ADAM28: variants seen among roughly 807,000 people sequenced by gnomAD.
ADAM28 encodes the protein ADAM metallopeptidase domain 28.
A neutral mutation model predicts 101.2 loss-of-function variants in ADAM28; 105 were observed. The ratio of observed to expected loss-of-function variants is 1.04; its 90% CI spans 0.89 to 1.22. The LOEUF is 1.22. Among genes scored for constraint, ADAM28 ranks in the 50% most tolerant of loss-of-function variants. The probability of loss-of-function intolerance (pLI) is 0.00; values close to 1 mark genes in which losing one functional copy is unlikely to be tolerated. For missense variants in ADAM28, 1,028 were observed against 945.4 expected (o/e 1.09, Z -1.15); for synonymous variants, 322 against 310.6 (o/e 1.04, Z -0.39).
At chr8:24,319,987 G>T (rs1190703302) in intron 6 of ADAM28, among the ~76,000 whole-genome samples, 6 of 151,876 alleles carry the variant, frequency 4.0e-5, no homozygotes, top group Admixed American at 3.3e-4. Context: ...CTCCCCTATT[G>T]TAACATAATT....
chr8:24,329,864 TG>T, intron 10 of ADAM28, 120 bp from the exon 11 acceptor site: 33 of 892,266 alleles, frequency 3.7e-5, no homozygotes, highest in East Asian at 5.1e-5. Flanking sequence ...TGTGTGTGTG[TG>T]TGTTTGTGTG....
chr8:24,306,906 G>A (rs555162192), intron 2 of ADAM28, among the ~76,000 whole-genome samples: 1 of 152,210 alleles, frequency 6.6e-6, no homozygotes, highest in East Asian at 1.9e-4. Flanking sequence ...CCCTGTTAGG[G>A]TTCTTGGGTT....
chr8:24,341,541 A>T, intron 15 of ADAM28, 57 bp from the exon 16 acceptor site: 1 of 1,544,424 alleles, frequency 6.5e-7, no homozygotes, highest in African/African-American at 1.4e-5. Flanking sequence ...ATAGTCCTAG[A>T]GCATTTATGT....
rs1220340842 is a variant in ADAM28 at position 24,306,490 on chromosome 8, CTT to C, written c.151-3401_151-3400del. 2.0e-5 allele frequency among the ~76,000 whole-genome samples: 3 copies of C among 150,524 alleles called. No homozygotes were observed. The Admixed American group carries it at 2.0e-4, about 10-fold the overall frequency. On this transcript the variant is annotated intron_variant, in intron 2 of 22. Transcript: ENST00000265769. ...TTTCCCAGCTAGTGCATTTGCATCTCTTTTCCTTAGTCGCTGATCTCTAGTTT... is the reference window on the plus strand; with the variant it reads ...TTTCCCAGCTAGTGCATTTGCATCTCTTCCTTAGTCGCTGATCTCTAGTTT...
chr8:24,327,667 G>T lies in ADAM28; in HGVS notation c.972+1032G>T, dbSNP rs141409604. Among the ~76,000 whole-genome samples the T allele has an allele frequency of 1.3e-3, 205 of 152,114 alleles. 3 individuals carry two copies. The highest frequency in any genetic ancestry group is 4.7e-3 in the African/African-American group (196 of 41,528). ...CAAGGCTACAGTAAGCAAAACAGCA[G>T]GGTACTGGGACCAAAACAGATATAT... On this transcript the variant is annotated intron_variant, in intron 10 of 22. Transcript: ENST00000265769.
chr8:24,332,642 G>A lies in ADAM28; in HGVS notation c.1282-18G>A. The A allele has an allele frequency of 7.1e-7, 1 of 1,406,292 alleles. No individual in the cohort carries two copies. Among genetic ancestry groups the A allele is most frequent in the Admixed American group, 2.1e-5 (1 of 46,796 alleles). 87.1% of individuals were successfully genotyped at this position (1,406,292 alleles called of 1,614,324 possible). A position where few individuals can be genotyped will look rare whatever the true frequency, so the allele number is the denominator to read the frequency against. On this transcript the variant is annotated intron_variant, in intron 12 of 22. Transcript: ENST00000265769. ...AAAAAGTAATGTTGCATTTACATTTGTTTCTCATATTTCTTAGGAATGTAC... is the reference window on the plus strand; with the variant it reads ...AAAAAGTAATGTTGCATTTACATTTATTTCTCATATTTCTTAGGAATGTAC...
chr8:24,318,747 T>A (rs986324437), intron 6 of ADAM28, among the ~76,000 whole-genome samples: 1 of 151,992 alleles, frequency 6.6e-6, no homozygotes, highest in Non-Finnish European at 1.5e-5. Flanking sequence ...TTATATGGTA[T>A]CCATCAGCAA....
chr8:24,339,487 C>T lies in ADAM28; in HGVS notation c.1589C>T (p.Ser530Leu). Residue 530 changes from serine (S) to leucine (L), a missense_variant, in exon 15 of 23, where the codon TCA becomes TTA. Physicochemically the swap from Ser to Leu is moderately radical, Grantham distance 145. Transcript: ENST00000265769. Reference protein sequence around the residue: ...WGPGTEVADKSCYNRNEGGSK... With the variant: ...WGPGTEVADKLCYNRNEGGSK... ...CCAGGAACTGAGGTTGCAGATAAGT[C>T]ATGTTACAACAGGAATGAAGGTGGG... The T allele has an allele frequency of 5.0e-6, 8 of 1,613,218 alleles. No homozygotes were observed. Among genetic ancestry groups the T allele is most frequent in the Non-Finnish European group, 6.8e-6 (8 of 1,179,546 alleles).
chr8:24,348,450 T>C (rs1678761710), intron 18 of ADAM28, among the ~76,000 whole-genome samples: 1 of 152,150 alleles, frequency 6.6e-6, no homozygotes, highest in Non-Finnish European at 1.5e-5. Flanking sequence ...CATTAGGGTT[T>C]GCTGTTGGTT....
intron 2 of ADAM28, chr8:24,308,506 G>A (rs903363492): frequency 1.3e-5 from 5 of 389,938 alleles, no homozygotes; most frequent in African/African-American, 2.1e-5. Context: ...ATATCTGGAA[G>A]GCCATTTCTG....
At chr8:24,334,831 A>G (rs1434112181) in intron 13 of ADAM28, among the ~76,000 whole-genome samples, 2 of 152,254 alleles carry the variant, frequency 1.3e-5, no homozygotes, top group African/African-American at 4.8e-5. Flanking sequence ...TGAGCAAATA[A>G]GAGTAAGATT....
At chr8:24,312,260 CAAACT>C (rs1810567191) in intron 5 of ADAM28, among the ~76,000 whole-genome samples, 1 of 151,954 alleles carries the variant, frequency 6.6e-6, no homozygotes, top group African/African-American at 2.4e-5. Context: ...TGCCTTAAAC[CAAACT>C]AATGATTGTC....
intron 14 of ADAM28, among the ~76,000 whole-genome samples, chr8:24,337,212 A>G (rs1445945075): frequency 6.6e-6 from 1 of 152,224 alleles, no homozygotes; most frequent in Non-Finnish European, 1.5e-5. Context: ...ACCAGGCCTC[A>G]GCAATCTTGC....
chr8:24,306,349 CAAATAAATAAAT>C (rs1327331486), intron 2 of ADAM28, among the ~76,000 whole-genome samples: 1 of 106,718 alleles, frequency 9.4e-6, no homozygotes, highest in Non-Finnish European at 1.8e-5. Flanking sequence ...ATCTCAAATA[CAAATAAATAAAT>C]AAATATATAT....
At chr8:24,324,044 T>C in intron 9 of ADAM28, 41 bp downstream of exon 9, 1 of 1,588,908 alleles carries the variant, frequency 6.3e-7, no homozygotes, top group Non-Finnish European at 8.6e-7. Flanking sequence ...ATGTGGTATT[T>C]AGTGGATGCT....
intron 13 of ADAM28, among the ~76,000 whole-genome samples, chr8:24,333,449 T>C (rs1813630171): frequency 6.6e-6 from 1 of 152,204 alleles, no homozygotes; most frequent in African/African-American, 2.4e-5. Flanking sequence ...TAGGTGTACA[T>C]ATGTAGTAAG....
chr8:24,352,707 C>A (rs1426491642), intron 21 of ADAM28, among the ~76,000 whole-genome samples: 1 of 152,088 alleles, frequency 6.6e-6, no homozygotes. Context: ...TGTGTATGTA[C>A]AACTAAATGA....
chr8:24,295,944 G>T (rs1807903752), intron 1 of ADAM28: 2 of 152,174 alleles, frequency 1.3e-5, no homozygotes, highest in African/African-American at 4.8e-5. Flanking sequence ...CTCTGACCAT[G>T]ACTTCTGCCC....
chr8:24,307,164 G>A (rs966630495), intron 2 of ADAM28, among the ~76,000 whole-genome samples: 2 of 152,126 alleles, frequency 1.3e-5, no homozygotes, highest in African/African-American at 4.8e-5. Flanking sequence ...TATTTGAAAC[G>A]ATCCCAAATT....
Sources: gnomAD v4.1 joint callset for allele counts (sites outside exome capture counted in the v4.1 genomes callset) on GRCh38, gnomAD v4.1.1 for gene constraint, MANE v1.5 for transcripts, NCBI Gene and HGNC (gene_info 2026-07-23, HGNC 2026-07-21) for gene names.